Variants in TTC39A observed in about 807,000 individuals in gnomAD.
TTC39A encodes tetratricopeptide repeat protein 39A.
In TTC39A, 46 loss-of-function variants were observed where a neutral mutation model predicts 82.3. The ratio of observed to expected loss-of-function variants is 0.56; its 90% CI spans 0.44 to 0.71. TTC39A has a LOEUF of 0.71. Among genes scored for constraint, TTC39A ranks in the 30% least tolerant of loss-of-function variants. The probability of loss-of-function intolerance (pLI) is 0.00; values close to 1 mark genes in which losing one functional copy is unlikely to be tolerated. For missense variants in TTC39A, 543 were observed against 712.9 expected, an observed-to-expected ratio of 0.76 and a Z score of 2.71; for synonymous variants, 254 against 275.2, an observed-to-expected ratio of 0.92 and a Z score of 0.76.
intron 2 of TTC39A, 107 bp from the exon 3 acceptor site, chr1:51,313,050 G>A (rs1330181254): frequency 6.8e-7 from 1 of 1,471,516 alleles, no homozygotes; most frequent in East Asian, 2.3e-5. Flanking sequence ...GAGGTGAGGG[G>A]ACCAGAGGTC....
chr1:51,333,038 C>G (rs1469829644), upstream of TTC39A, among the ~76,000 whole-genome samples: 3 of 151,918 alleles, frequency 2.0e-5, no homozygotes, highest in Non-Finnish European at 2.9e-5. Context: ...CATGGAGAAA[C>G]CCCATCTCTA....
chr1:51,303,339 G>C, intron 8 of TTC39A, 147 bp from the exon 9 acceptor site: 1 of 659,854 alleles, frequency 1.5e-6, no homozygotes, highest in Non-Finnish European at 2.6e-6. Context: ...CCCTGAGCAA[G>C]TGGCTGCCCC....
intron 8 of TTC39A, 95 bp from the exon 9 acceptor site, chr1:51,303,287 C>T (rs1644747740): frequency 5.5e-6 from 6 of 1,084,078 alleles, no homozygotes; most frequent in East Asian, 5.2e-5. Flanking sequence ...GGCACAGGGG[C>T]GGAAGAGCAC....
intron 1 of TTC39A, among the ~76,000 whole-genome samples, chr1:51,328,287 T>C (rs1448577877): frequency 2.6e-5 from 4 of 152,128 alleles, no homozygotes; most frequent in African/African-American, 9.7e-5. Flanking sequence ...GCAAACACCA[T>C]CATACAAGAA....
chr1:51,305,300 C>A (rs1376513658), intron 7 of TTC39A, among the ~76,000 whole-genome samples, 154 bp from the exon 8 acceptor site: 1 of 152,166 alleles, frequency 6.6e-6, no homozygotes, highest in African/African-American at 2.4e-5. Context: ...TTTTCCAAAG[C>A]TCGGGCAGTA....
At chr1:51,307,251 C>T (rs1465856348) in intron 6 of TTC39A, among the ~76,000 whole-genome samples, 2 of 152,200 alleles carry the variant, frequency 1.3e-5, no homozygotes, top group Middle Eastern at 3.4e-3. Flanking sequence ...TTGGTGACCT[C>T]GTTCTGGCAG....
Position 51,294,289 on chromosome 1 carries a change from T to G in TTC39A, c.1266+102A>C. ...AAACCCTCCCCAGGCCCCTGAGGCA[T>G]GAAGGTCTTTCTCCTCATCCACCTC... On this transcript the variant is annotated intron_variant, in intron 14 of 17. Coordinates refer to ENST00000680483, the MANE Select transcript of TTC39A (RefSeq NM_001297663.2). The surrounding 1 kb of genome is among the most constrained non-coding windows in gnomAD (Gnocchi z 4.3). The G allele has an allele frequency of 6.4e-7, 1 of 1,564,252 alleles. No individual in the cohort carries two copies. The highest frequency in any genetic ancestry group is 8.7e-7 in the Non-Finnish European group (1 of 1,151,682).
chr1:51,336,300 A>G (rs552453176), upstream of TTC39A, among the ~76,000 whole-genome samples: 1 of 152,246 alleles, frequency 6.6e-6, no homozygotes, highest in East Asian at 1.9e-4. Flanking sequence ...TTGGGCAGGC[A>G]TGGACTCTGC....
chr1:51,342,890 G>A lies in TTC39A; in HGVS notation c.53+2101C>T, dbSNP rs146576129. ...TGCTTCTCATTTCTTCCTTCTTAGC[G>A]TCTACCTCCCATTCCCTCCATTCTC... On this transcript the variant is annotated intron_variant, in intron 1 of 5. Transcript: ENST00000401051. 303 of 370,920 alleles carry A rather than the reference G, an allele frequency of 8.2e-4. 4 individuals carry two copies. The highest frequency in any genetic ancestry group is 5.2e-3 in the African/African-American group (253 of 48,200). The allele number at this position is 370,920 out of a possible 1,614,324, so 23.0% of individuals were successfully genotyped here.
At chr1:51,296,421 G>C (rs962442191) in intron 12 of TTC39A, among the ~76,000 whole-genome samples, 10 of 152,232 alleles carry the variant, frequency 6.6e-5, no homozygotes, top group Non-Finnish European at 4.4e-5. Flanking sequence ...TAATAGGCAG[G>C]ACAGACTGGG....
chr1:51,291,628 C>CAAA lies in TTC39A; in HGVS notation c.1267-1006_1267-1004dup, dbSNP rs58825279. 2.1e-3 allele frequency among the ~76,000 whole-genome samples: 106 copies of CAAA among 49,958 alleles called. 2 individuals are homozygous for CAAA. The highest frequency in any genetic ancestry group is 7.9e-3 in the African/African-American group (101 of 12,736). 32.8% of individuals were successfully genotyped at this position (49,958 alleles called of 152,430 possible). ...CAACATGGCGAAACCCCATCTCCAC[C>CAAA]AAAAAAAAAAAAAAAAAAAAAAAAA... On this transcript the variant is annotated intron_variant, in intron 14 of 17. Coordinates refer to ENST00000680483, the MANE Select transcript of TTC39A (RefSeq NM_001297663.2).
At chr1:51,315,606 C>T (rs1418307248) in intron 2 of TTC39A, among the ~76,000 whole-genome samples, 1 of 152,188 alleles carries the variant, frequency 6.6e-6, no homozygotes, top group Non-Finnish European at 1.5e-5. Context: ...TCATTGTCTT[C>T]CTCTCCAGCC....
exon 1 of TTC39A, chr1:51,345,093 G>C: frequency 7.8e-7 from 1 of 1,279,208 alleles, no homozygotes; most frequent in East Asian, 3.3e-5. Context: ...TCGCGGCGGC[G>C]GCGGCGGCCG....
At chr1:51,309,900 A>G (rs1471456721) in intron 5 of TTC39A, among the ~76,000 whole-genome samples, 1 of 152,180 alleles carries the variant, frequency 6.6e-6, no homozygotes, top group Non-Finnish European at 1.5e-5. Flanking sequence ...ACATAGTCAC[A>G]TAAGGCTGGG....
intron 8 of TTC39A, among the ~76,000 whole-genome samples, chr1:51,304,735 T>C (rs1339484363): frequency 1.3e-5 from 2 of 152,192 alleles, no homozygotes; most frequent in Non-Finnish European, 2.9e-5. Context: ...AAGGACTTAC[T>C]CAAAGTCTTA....
intron 1 of TTC39A, among the ~76,000 whole-genome samples, chr1:51,337,725 C>G (rs1358695409): frequency 1.3e-5 from 2 of 152,128 alleles, no homozygotes; most frequent in Non-Finnish European, 2.9e-5. Context: ...CCGTGCCCAG[C>G]CCCTTTCTAT....
rs1644080353 is a variant in TTC39A, at chr1:51,288,635, A to G, written c.1610+204T>C. Among the ~76,000 whole-genome samples the G allele has an allele frequency of 1.3e-5, 2 of 152,136 alleles. No homozygotes were observed. Among genetic ancestry groups the G allele is most frequent in the Admixed American group, 6.5e-5 (1 of 15,274 alleles). On this transcript the variant is annotated intron_variant, in intron 17 of 17. Transcript: ENST00000680483. This position sits in a 1 kb window ranked among gnomAD's most constrained non-coding sequence, Gnocchi z 4.8. ...ACTTACTTCCTGCCTCTGGGAGTCT[A>G]ACTGCGCATTTATACATTAAGAAAG...
intron 12 of TTC39A, chr1:51,300,000 T>C (rs554653204): frequency 4.1e-4 from 62 of 152,288 alleles, no homozygotes; most frequent in African/African-American, 1.5e-3. Context: ...GTGGGGGCCA[T>C]GGGAGCTGGG....
rs773469247 is a variant in TTC39A at position 51,312,129 on chromosome 1, T to C, written c.345A>G (p.Gln115=). 14 of 1,611,384 alleles carry C rather than the reference T, an allele frequency of 8.7e-6. No homozygotes were observed. In the Admixed American group the frequency reaches 1.0e-4, roughly 12 times the overall value. ...SSLVNRPTLG[Q]FTEEEIHAEV... is the part of the protein sequence containing the mutation. ...TCCTGGATGCCACACCTTCAGTGAA[T>C]TGGCCCAGCGTGGGGCGGTTCACCA... The change falls in exon 4 of 18, where the codon CAA becomes CAG. Residue 115 remains glutamine (Q), a synonymous_variant. Transcript: ENST00000680483.
Sources: allele counts gnomAD v4.1 joint callset (sites outside exome capture counted in the v4.1 genomes callset), GRCh38; gene constraint gnomAD v4.1.1; non-coding constraint Gnocchi (gnomAD v3.1); transcripts MANE v1.5; gene names NCBI Gene and HGNC (gene_info 2026-07-23, HGNC 2026-07-21).